Variants in DIAPH3 observed in about 807,000 individuals in gnomAD.
DIAPH3 encodes the protein protein diaphanous homolog 3.
A neutral mutation model predicts 144.3 loss-of-function variants in DIAPH3; 117 were observed. That is an observed-to-expected ratio of 0.81 (90% CI 0.70 to 0.95). DIAPH3 has a LOEUF of 0.95. Among genes scored for constraint, DIAPH3 ranks in the 40% least tolerant of loss-of-function variants. DIAPH3 has a pLI of 0.00. For synonymous variants in DIAPH3, 519 were observed against 488.9 expected (o/e 1.06, Z -0.81); for missense variants, 1,421 against 1,412.7 (o/e 1.01, Z -0.09).
intron 18 of DIAPH3, among the ~76,000 whole-genome samples, chr13:59,919,536 T>C (rs1463418462): frequency 1.3e-5 from 2 of 152,048 alleles, no homozygotes; most frequent in Admixed American, 1.3e-4. Flanking sequence ...GAAAAACAAC[T>C]TCTAAGAATA....
chr13:60,011,328 G>A (rs2053248334), intron 7 of DIAPH3, among the ~76,000 whole-genome samples: 1 of 152,064 alleles, frequency 6.6e-6, no homozygotes, highest in Non-Finnish European at 1.5e-5. Flanking sequence ...ACCAGACACT[G>A]AGGCCATGAA....
chr13:60,087,911 C>T (rs1435690680), intron 4 of DIAPH3, among the ~76,000 whole-genome samples: 2 of 152,084 alleles, frequency 1.3e-5, no homozygotes, highest in African/African-American at 2.4e-5. Context: ...AGCTGTAATA[C>T]AGATGCCAAT....
intron 20 of DIAPH3, among the ~76,000 whole-genome samples, chr13:59,905,147 C>T (rs2046655137): frequency 6.6e-6 from 1 of 151,632 alleles, no homozygotes; most frequent in Non-Finnish European, 1.5e-5. Context: ...TCGAGATCAT[C>T]CTGGCTAAAA....
rs1231181447 is a variant in DIAPH3 at position 59,924,890 on chromosome 13, C to T, written c.2075-20G>A. On this transcript the variant is annotated intron_variant, in intron 17 of 27. Coordinates refer to ENST00000400324, the MANE Select transcript of DIAPH3 (RefSeq NM_001042517.2). ...TTCTCTCTGTAAAACCAAGATAGAT[C>T]CATGTTAGGGGCAGCAATTCATTCA... The T allele has an allele frequency of 6.3e-7, 1 of 1,592,774 alleles. No individual in the cohort carries two copies. The highest frequency in any genetic ancestry group is 8.6e-7 in the Non-Finnish European group (1 of 1,165,624).
chr13:59,927,085 CT>C (rs1278570620), intron 17 of DIAPH3, among the ~76,000 whole-genome samples: 1 of 152,064 alleles, frequency 6.6e-6, no homozygotes, highest in Non-Finnish European at 1.5e-5. Flanking sequence ...GATCTTGTCT[CT>C]TTTTATCTCT....
chr13:59,922,369 T>C (rs1593997412), intron 18 of DIAPH3, among the ~76,000 whole-genome samples: 1 of 152,084 alleles, frequency 6.6e-6, no homozygotes, highest in Non-Finnish European at 1.5e-5. Flanking sequence ...CTCAAAAATA[T>C]AGGAAACCAA....
chr13:59,720,578 T>A (rs756826974), intron 27 of DIAPH3, among the ~76,000 whole-genome samples: 40 of 152,110 alleles, frequency 2.6e-4, no homozygotes, highest in Non-Finnish European at 4.3e-4. Flanking sequence ...AACTAGAACA[T>A]CCAGTCAGTA....
At chr13:60,107,305 C>G (rs2058449339) in intron 3 of DIAPH3, among the ~76,000 whole-genome samples, 1 of 151,388 alleles carries the variant, frequency 6.6e-6, no homozygotes, top group Non-Finnish European at 1.5e-5. Context: ...GGGAGCAAAA[C>G]TATTGGATTC....
At chr13:59,848,162 T>C (rs2042758839) in intron 22 of DIAPH3, among the ~76,000 whole-genome samples, 1 of 152,098 alleles carries the variant, frequency 6.6e-6, no homozygotes, top group South Asian at 2.1e-4. Flanking sequence ...AGAGTGGTTT[T>C]ACTCATTCTA....
intron 5 of DIAPH3, among the ~76,000 whole-genome samples, chr13:60,021,397 G>A (rs1266317673): frequency 6.6e-6 from 1 of 152,188 alleles, no homozygotes; most frequent in East Asian, 1.9e-4. Context: ...GGCTGAGGTG[G>A]GTGGATCACT....
At chr13:59,751,237 G>A (rs796222704) in intron 27 of DIAPH3, among the ~76,000 whole-genome samples, 1 of 152,224 alleles carries the variant, frequency 6.6e-6, no homozygotes, top group African/African-American at 2.4e-5. Flanking sequence ...AGTGTACTGC[G>A]TTATACCAAG....
chr13:59,892,258 A>T (rs1445093775), intron 20 of DIAPH3, among the ~76,000 whole-genome samples: 11 of 152,014 alleles, frequency 7.2e-5, no homozygotes, highest in Admixed American at 6.6e-4. Context: ...CCAAGAGGAA[A>T]CAGCAAGAGG....
At chr13:59,977,734 C>T (rs925903986) in intron 14 of DIAPH3, among the ~76,000 whole-genome samples, 8 of 151,500 alleles carry the variant, frequency 5.3e-5, no homozygotes, top group African/African-American at 1.9e-4. Flanking sequence ...AGGAAATGAG[C>T]GAGAGGAGTG....
At chr13:59,976,642 G>C (rs2050695064) in intron 14 of DIAPH3, among the ~76,000 whole-genome samples, 1 of 151,592 alleles carries the variant, frequency 6.6e-6, no homozygotes, top group African/African-American at 2.4e-5. Flanking sequence ...ACCAATTCCT[G>C]TTATGGGTTT....
rs34273562 is a variant in DIAPH3 at position 59,965,539 on chromosome 13, T to TA, written c.2074+4404dup. On this transcript the variant is annotated intron_variant, in intron 17 of 27. Coordinates refer to ENST00000400324, the MANE Select transcript of DIAPH3 (RefSeq NM_001042517.2). ...TAACCAACAGATGCTTCCAATCTGG[T>TA]AAAAAAAAAAAAAAAAATACATAGG... 4.2e-3 allele frequency among the ~76,000 whole-genome samples: 613 copies of TA among 145,324 alleles called. 2 individuals carry two copies. Among genetic ancestry groups the TA allele is most frequent in the East Asian group, 0.01 (49 of 4,714 alleles).
chr13:59,961,252 AC>A (rs1387537619), intron 17 of DIAPH3, among the ~76,000 whole-genome samples: 2 of 152,204 alleles, frequency 1.3e-5, no homozygotes, highest in Non-Finnish European at 2.9e-5. Flanking sequence ...TTCCTGAGCA[AC>A]TACAATGAGC....
At chr13:60,041,708 T>C (rs1294875601) in intron 5 of DIAPH3, among the ~76,000 whole-genome samples, 1 of 152,156 alleles carries the variant, frequency 6.6e-6, no homozygotes, top group Non-Finnish European at 1.5e-5. Flanking sequence ...CATGACTACA[T>C]ATACATATAT....
chr13:59,667,277 C>T (rs553895424), intron 27 of DIAPH3, among the ~76,000 whole-genome samples: 8 of 152,202 alleles, frequency 5.3e-5, no homozygotes, highest in East Asian at 3.9e-4. Flanking sequence ...GCTGGACACA[C>T]AATATATTTG....
At chr13:59,947,895 T>A (rs752783793) in intron 17 of DIAPH3, among the ~76,000 whole-genome samples, 8 of 152,150 alleles carry the variant, frequency 5.3e-5, no homozygotes, top group Non-Finnish European at 7.4e-5. Context: ...GAAGGGAATT[T>A]AGAATCCAGT....
Sources: gnomAD v4.1 joint callset for allele counts (sites outside exome capture counted in the v4.1 genomes callset) on GRCh38, gnomAD v4.1.1 for gene constraint, MANE v1.5 for transcripts, NCBI Gene and HGNC (gene_info 2026-07-23, HGNC 2026-07-21) for gene names.